Variants in MGAT4C observed in about 807,000 individuals in gnomAD.
The protein encoded by MGAT4C is MGAT4 family member C.
In MGAT4C, 19 loss-of-function variants were observed where a neutral mutation model predicts 40.1. The ratio of observed to expected loss-of-function variants is 0.47; its 90% confidence interval spans 0.33 to 0.70. The LOEUF (loss-of-function observed/expected upper bound fraction) is 0.70. Among genes scored for constraint, MGAT4C ranks in the 30% least tolerant of loss-of-function variants. MGAT4C has a pLI of 0.02. For synonymous variants in MGAT4C, 181 were observed against 187.1 expected, an observed-to-expected ratio of 0.97 and a Z score of 0.27; for missense variants, 491 against 563.2, an observed-to-expected ratio of 0.87 and a Z score of 1.30.
intron 2 of MGAT4C, among the ~76,000 whole-genome samples, chr12:86,451,100 C>A (rs974108152): frequency 1.3e-5 from 2 of 152,000 alleles, no homozygotes; most frequent in Admixed American, 1.3e-4. Context: ...GGAGGTGGGG[C>A]CTAGTAGGAG....
chr12:86,230,014 T>A (rs1379772562), intron 1 of MGAT4C, among the ~76,000 whole-genome samples: 1 of 151,938 alleles, frequency 6.6e-6, no homozygotes, highest in Non-Finnish European at 1.5e-5. Flanking sequence ...ATCTAACTAA[T>A]CAGAATCTGA....
intron 2 of MGAT4C, among the ~76,000 whole-genome samples, chr12:86,566,277 C>G (rs1428318428): frequency 6.6e-6 from 1 of 151,562 alleles, no homozygotes; most frequent in African/African-American, 2.4e-5. Flanking sequence ...CACCCTTAAC[C>G]TGGGTGGGCA....
In MGAT4C at chr12:86,804,433, AAAAT is replaced by A. The variant is rs375064272; in HGVS notation, c.-262+34229_-262+34232del. On this transcript the variant is annotated intron_variant, in intron 1 of 7. Transcript: ENST00000548651. ...AAGTATAATAAAAAAATAAAAAAAT[AAAAT>A]AAATAAATAAAGAAAGAAAGAAGAA... Among the ~76,000 whole-genome samples the A allele has an allele frequency of 7.8e-3, 1,172 of 150,218 alleles. 8 individuals are homozygous for A. The highest frequency in any genetic ancestry group is 0.016 in the African/African-American group (656 of 41,382).
intron 4 of MGAT4C, among the ~76,000 whole-genome samples, chr12:86,324,727 A>G (rs1592698256): frequency 6.6e-6 from 1 of 152,074 alleles, no homozygotes; most frequent in Non-Finnish European, 1.5e-5. Context: ...TGCAAAGCAA[A>G]TTAGAAAAAC....
chr12:86,212,500 T>G (rs1410646317), intron 1 of MGAT4C, among the ~76,000 whole-genome samples: 1 of 152,082 alleles, frequency 6.6e-6, no homozygotes, highest in Non-Finnish European at 1.5e-5. Flanking sequence ...TGGGTTATAT[T>G]ATCATCACGT....
chr12:86,438,596 T>C (rs201001935), intron 2 of MGAT4C, among the ~76,000 whole-genome samples: 1 of 151,960 alleles, frequency 6.6e-6, no homozygotes, highest in Admixed American at 6.6e-5. Flanking sequence ...ACAATCAATA[T>C]GATGACTGGA....
At chr12:86,299,550 T>A (rs1232298814) in intron 4 of MGAT4C, among the ~76,000 whole-genome samples, 1 of 152,220 alleles carries the variant, frequency 6.6e-6, no homozygotes, top group Non-Finnish European at 1.5e-5. Context: ...ATTTTTAATA[T>A]ATTAACTCAG....
At chr12:86,580,486 A>G (rs1195051646) in intron 2 of MGAT4C, among the ~76,000 whole-genome samples, 9 of 151,462 alleles carry the variant, frequency 5.9e-5, no homozygotes, top group Non-Finnish European at 1.0e-4. Flanking sequence ...AATGCATGAA[A>G]AAATGCCTGA....
In MGAT4C at chr12:86,757,853, A is replaced by ACCATAGC. The variant is rs1951332894; in HGVS notation, c.-261-30619_-261-30613dup. On this transcript the variant is annotated intron_variant, in intron 1 of 7. Coordinates refer to the MGAT4C transcript ENST00000548651. ...TAATTCAGTTTCCAGTTCAGCTAAA[A>ACCATAGC]CCATAGCCTCACCTCAATTTTAACA... Among the ~76,000 whole-genome samples the ACCATAGC allele has an allele frequency of 3.3e-5, 5 of 152,144 alleles. No homozygotes were observed. In the South Asian group the frequency reaches 1.0e-3, roughly 32 times the overall value.
chr12:85,982,483 C>T (rs766285268), intron 4 of MGAT4C, among the ~76,000 whole-genome samples: 11 of 152,172 alleles, frequency 7.2e-5, no homozygotes, highest in Non-Finnish European at 1.5e-4. Context: ...GCCACCAAAC[C>T]CAGCCTAAGA....
intron 3 of MGAT4C, among the ~76,000 whole-genome samples, chr12:86,399,651 G>T (rs1956321834): frequency 6.6e-6 from 1 of 152,124 alleles, no homozygotes; most frequent in Admixed American, 6.5e-5. Flanking sequence ...TCCATGAAAG[G>T]CTCAAGAGGA....
intron 1 of MGAT4C, among the ~76,000 whole-genome samples, chr12:86,110,300 C>CTATATAGTCTATATA (rs1877103217): frequency 8.2e-5 from 1 of 12,222 alleles, no homozygotes; most frequent in African/African-American, 4.3e-4. Flanking sequence ...TATAGTCTCT[C>CTATATAGTCTATATA]TATATATATA....
In MGAT4C at chr12:86,465,531, A is replaced by G. The variant is rs182152868; in HGVS notation, c.-228-30266T>C. On this transcript the variant is annotated intron_variant, in intron 2 of 7. Coordinates refer to the MGAT4C transcript ENST00000548651. ...CAATGAAGTCTTAAACCTCAACAAT[A>G]AAAAGCAAAAAACCTGAGTTAAAAA... Among the ~76,000 whole-genome samples, 7 of 151,688 alleles carry G rather than the reference A, an allele frequency of 4.6e-5. No homozygotes were observed. The East Asian group carries it at 7.7e-4, about 17-fold the overall frequency.
rs1252268986 is a variant in MGAT4C, at chr12:86,036,856, T to C, written c.-7+12818A>G. ...CCTTTTTCTATTGTTTGGAATAGTT[T>C]CAGAAGGAATGATACCAGCTCCTCT... On this transcript the variant is annotated intron_variant, in intron 2 of 4. Coordinates refer to ENST00000611864, the MANE Select transcript of MGAT4C (RefSeq NM_001351288.2). Among the ~76,000 whole-genome samples the C allele has an allele frequency of 4.0e-5, 6 of 150,108 alleles. No individual in the cohort carries two copies. The East Asian group carries it at 1.2e-3, about 29-fold the overall frequency.
chr12:86,438,339 G>T (rs1355930662), intron 2 of MGAT4C, among the ~76,000 whole-genome samples: 1 of 151,912 alleles, frequency 6.6e-6, no homozygotes, highest in African/African-American at 2.4e-5. Flanking sequence ...AAGAAGAAAA[G>T]TTTGAAGCCA....
chr12:86,716,578 A>C (rs1210593272), intron 2 of MGAT4C, among the ~76,000 whole-genome samples: 1 of 152,094 alleles, frequency 6.6e-6, no homozygotes, highest in East Asian at 1.9e-4. Flanking sequence ...GAAGGGGGTA[A>C]ACTCATTGAG....
chr12:86,047,147 G>A (rs983682518), intron 2 of MGAT4C, among the ~76,000 whole-genome samples: 1 of 152,068 alleles, frequency 6.6e-6, no homozygotes. Context: ...AAATGTTTAA[G>A]AACTGCTGCA....
At chr12:86,502,269 C>A (rs991899718) in intron 2 of MGAT4C, among the ~76,000 whole-genome samples, 1 of 151,804 alleles carries the variant, frequency 6.6e-6, no homozygotes, top group African/African-American at 2.4e-5. Context: ...ATTATATGAT[C>A]CCAACTCTGT....
At chr12:86,081,097 A>AT (rs1870757226) in intron 1 of MGAT4C, among the ~76,000 whole-genome samples, 1 of 152,190 alleles carries the variant, frequency 6.6e-6, no homozygotes, top group Non-Finnish European at 1.5e-5. Context: ...GGAAGTATGC[A>AT]TTTTAACATA....
Sources: allele counts gnomAD v4.1 joint callset (sites outside exome capture counted in the v4.1 genomes callset), GRCh38; gene constraint gnomAD v4.1.1; transcripts MANE v1.5; gene names NCBI Gene and HGNC (gene_info 2026-07-23, HGNC 2026-07-21).